The following HNF4G variants were observed in gnomAD, a reference collection of about 807,000 sequenced individuals.
The protein encoded by HNF4G is hepatocyte nuclear factor 4-gamma.
In HNF4G, 21 loss-of-function variants were observed where a neutral mutation model predicts 50.9. The observed-to-expected ratio is 0.41, with a 90% confidence interval of 0.29 to 0.59. HNF4G has a LOEUF of 0.59. Among genes scored for constraint, HNF4G ranks in the 20% least tolerant of loss-of-function variants. HNF4G has a pLI of 0.26. For missense variants in HNF4G, 527 were observed against 559.4 expected, an observed-to-expected ratio of 0.94 and a Z score of 0.58; for synonymous variants, 198 against 185.6, an observed-to-expected ratio of 1.07 and a Z score of -0.54.
intron 2 of HNF4G, among the ~76,000 whole-genome samples, chr8:75,528,622 T>C (rs2941450): frequency 0.47 from 71,937 of 151,988 alleles, 17,467 homozygotes; most frequent in Middle Eastern, 0.6. Context: ...AATAATTTGT[T>C]TTAAAATGGT....
chr8:75,433,485 GCAACT>G (rs759235542), intron 1 of HNF4G, among the ~76,000 whole-genome samples: 50 of 150,912 alleles, frequency 3.3e-4, no homozygotes, highest in Non-Finnish European at 5.6e-4. Context: ...AAATCTCTAA[GCAACT>G]CAACTCAACA....
intron 1 of HNF4G, among the ~76,000 whole-genome samples, chr8:75,438,019 T>G (rs1474730712): frequency 2.6e-5 from 4 of 152,188 alleles, no homozygotes; most frequent in Non-Finnish European, 5.9e-5. Flanking sequence ...TAATATGTAA[T>G]TAATAGAGTT....
intron 1 of HNF4G, chr8:75,489,942 T>C (rs1005091820): frequency 4.6e-5 from 7 of 152,228 alleles, no homozygotes; most frequent in African/African-American, 1.7e-4. Context: ...AAAATCACAT[T>C]GTTATTATGG....
At chr8:75,453,780 C>T (rs924278245) in intron 1 of HNF4G, among the ~76,000 whole-genome samples, 5 of 152,012 alleles carry the variant, frequency 3.3e-5, no homozygotes, top group Admixed American at 2.0e-4. Context: ...ATCTCTGATC[C>T]TAATGTTTTT....
In HNF4G at chr8:75,470,170, G is replaced by A. The variant is rs1397319147; in HGVS notation, c.-143-19919G>A. ...CTTAAGCCTTTCAGGATTCTCTTAC[G>A]AAGTCAGTGGCCTTCTCCTGGCATT... On this transcript the variant is annotated intron_variant, in intron 1 of 10. Transcript: ENST00000354370. 3.3e-5 allele frequency among the ~76,000 whole-genome samples: 5 copies of A among 152,244 alleles called. No homozygotes were observed. The East Asian group carries it at 5.8e-4, about 18-fold the overall frequency.
At chr8:75,483,872 A>T (rs531174090) in intron 1 of HNF4G, among the ~76,000 whole-genome samples, 12 of 152,322 alleles carry the variant, frequency 7.9e-5, no homozygotes, top group Admixed American at 1.3e-4. Flanking sequence ...CTGTATTGAT[A>T]TGTCTCGATC....
chr8:75,520,774 T>A (rs1806019749), intron 2 of HNF4G, among the ~76,000 whole-genome samples: 2 of 152,124 alleles, frequency 1.3e-5, no homozygotes, highest in Admixed American at 6.5e-5. Flanking sequence ...TAAATTCATG[T>A]TTCTTTTTTT....
chr8:75,467,701 ACT>A (rs1812018598), intron 1 of HNF4G, among the ~76,000 whole-genome samples: 1 of 152,046 alleles, frequency 6.6e-6, no homozygotes, highest in Admixed American at 6.6e-5. Context: ...CAAACAGCAC[ACT>A]GAAGTCACAA....
chr8:75,555,878 A>G (rs754675788), intron 5 of HNF4G, 104 bp from the exon 6 acceptor site: 6 of 563,232 alleles, frequency 1.1e-5, no homozygotes, highest in Non-Finnish European at 1.8e-5. Context: ...TTTGTTAAAC[A>G]AAAAGTCCCA....
chr8:75,423,949 G>A (rs1023038308), intron 1 of HNF4G, among the ~76,000 whole-genome samples: 1 of 143,998 alleles, frequency 6.9e-6, no homozygotes, highest in Non-Finnish European at 1.5e-5. Flanking sequence ...TCAGCCTCCC[G>A]AGTAGCTGGG....
chr8:75,473,028 A>G (rs2672864), intron 1 of HNF4G, among the ~76,000 whole-genome samples: 122,214 of 152,062 alleles, frequency 0.8, 49,911 homozygotes, highest in African/African-American at 0.95. Context: ...TAAAAGTGTC[A>G]GCCGGGAGCA....
At chr8:75,517,364 A>G (rs1179627169) in intron 2 of HNF4G, among the ~76,000 whole-genome samples, 1 of 152,168 alleles carries the variant, frequency 6.6e-6, no homozygotes, top group Non-Finnish European at 1.5e-5. Context: ...GCATTAACTC[A>G]AAAGTCCACA....
chr8:75,412,026 C>T, intron 1 of HNF4G, among the ~76,000 whole-genome samples: 1 of 152,030 alleles, frequency 6.6e-6, no homozygotes, highest in East Asian at 1.9e-4. Flanking sequence ...GTTGTAAGTT[C>T]TTAATAGGTG....
Position 75,497,292 on chromosome 8 carries a change from T to C in HNF4G, c.-24+7084T>C, listed in dbSNP as rs541600293. Among the ~76,000 whole-genome samples, 17 of 152,266 alleles carry C rather than the reference T, an allele frequency of 1.1e-4. No individual in the cohort carries two copies. In the East Asian group the frequency reaches 3.1e-3, roughly 28 times the overall value. On this transcript the variant is annotated intron_variant, in intron 2 of 10. Transcript: ENST00000354370. ...CCTTGTAAAAGGAAGTCATAACTGCTGGACACATAGAGACCAGGAGAGGGC... is the reference window on the plus strand; with the variant it reads ...CCTTGTAAAAGGAAGTCATAACTGCCGGACACATAGAGACCAGGAGAGGGC...
chr8:75,563,591 A>G (rs1224942475), intron 9 of HNF4G, among the ~76,000 whole-genome samples: 3 of 152,136 alleles, frequency 2.0e-5, no homozygotes, highest in Non-Finnish European at 4.4e-5. Context: ...TTTTGATTAT[A>G]AAAAATATAA....
chr8:75,433,960 A>C (rs1202382025), intron 1 of HNF4G, among the ~76,000 whole-genome samples: 1 of 151,916 alleles, frequency 6.6e-6, no homozygotes, highest in Non-Finnish European at 1.5e-5. Context: ...CTCTAGTTTG[A>C]AAATCAAAAA....
Position 75,512,503 on chromosome 8 carries a change from C to T in HNF4G, c.-24+22295C>T, listed in dbSNP as rs189608691. ...TATTTGAGATGGAGTCTCACTCTGT[C>T]GCCCAGGCTGGAGTGCAGTGGTGCA... On this transcript the variant is annotated intron_variant, in intron 2 of 10. Transcript: ENST00000354370. 4.0e-3 allele frequency among the ~76,000 whole-genome samples: 610 copies of T among 151,266 alleles called. 7 individuals carry two copies. The highest frequency in any genetic ancestry group is 0.014 in the African/African-American group (585 of 41,254).
In HNF4G at chr8:75,540,003, C is replaced by A. The variant is rs748841025; in HGVS notation, c.41C>A (p.Ala14Glu). 4 of 1,604,112 alleles carry A rather than the reference C, an allele frequency of 2.5e-6. No homozygotes were observed. The Admixed American group carries it at 6.7e-5, about 27-fold the overall frequency. ...VSEPILDMDM[A>E]NYSEVLDPTY... ...GAACCAATACTGGACATGGACATGG[C>A]AAATTACAGTGAAGTTTTGGACCCA... Residue 14 changes from alanine (A) to glutamate (E), a missense_variant, in exon 1 of 10, where the codon GCA becomes GAA. Physicochemically the swap from Ala to Glu is moderately radical, Grantham distance 107 (BLOSUM62 -1). Transcript: ENST00000396423.
intron 1 of HNF4G, among the ~76,000 whole-genome samples, chr8:75,471,090 A>G (rs535129184): frequency 5.3e-5 from 8 of 152,338 alleles, no homozygotes; most frequent in African/African-American, 1.9e-4. Flanking sequence ...TATAATGGAA[A>G]GACAATCAAA....
Sources: allele counts gnomAD v4.1 joint callset (sites outside exome capture counted in the v4.1 genomes callset), GRCh38; gene constraint gnomAD v4.1.1; transcripts MANE v1.5; gene names NCBI Gene and HGNC (gene_info 2026-07-23, HGNC 2026-07-21).